Variants in GPN2 observed in about 807,000 individuals in gnomAD.
The protein encoded by GPN2 is GPN-loop GTPase 2, also known as ATP-binding domain 1 family member B.
GPN2 carries 27 observed loss-of-function variants against 30.1 expected under a neutral mutation model. The observed-to-expected ratio is 0.90, with a 90% CI of 0.66 to 1.24. The LOEUF (loss-of-function observed/expected upper bound fraction) is 1.24, where lower values mean the gene tolerates loss of function less well. Among genes scored for constraint, GPN2 ranks in the 50% most tolerant of loss-of-function variants. The pLI is 0.00. For synonymous variants in GPN2, 212 were observed against 174.4 expected (o/e 1.22, Z -1.70); for missense variants, 406 against 405.4 (o/e 1.00, Z -0.01).
intron 3 of GPN2, 46 bp downstream of exon 3, chr1:26,885,927 G>T: frequency 1.4e-6 from 2 of 1,452,934 alleles, no homozygotes; most frequent in Non-Finnish European, 1.9e-6. Context: ...CTTTTGGCTT[G>T]GTGAATCCCA....
Position 26,886,013 on chromosome 1 carries a change from T to C in GPN2, c.689A>G (p.Glu230Gly), listed in dbSNP as rs767065790. ...QLNEKLVQLI[E>G]DYSLVSFIPL... is the part of the protein sequence containing the mutation. ...GATAAAGGAGACAAGGCTATAGTCT[T>C]CGATGAGCTGCACTAGCTTCTCATT... The change falls in exon 3 of 5, where the codon GAA becomes GGA. Residue 230 changes from glutamate to glycine, a missense_variant. Glu to Gly is a moderately conservative substitution (Grantham distance 98, BLOSUM62 -2). Coordinates refer to ENST00000374135, the MANE Select transcript of GPN2 (RefSeq NM_018066.4). 6.2e-7 allele frequency: 1 copy of C among 1,613,576 alleles called. No homozygotes were observed. Among genetic ancestry groups the C allele is most frequent in the Non-Finnish European group, 8.5e-7 (1 of 1,179,722 alleles).
At chr1:26,879,815 T>C in intron 4 of GPN2, 66 bp from the exon 5 acceptor site, 3 of 1,000,184 alleles carry the variant, frequency 3.0e-6, no homozygotes, top group Non-Finnish European at 4.7e-6. Flanking sequence ...GGGCAGGATC[T>C]GACTTCCGCT....
intron 4 of GPN2, among the ~76,000 whole-genome samples, chr1:26,883,452 TGA>T (rs2081874476): frequency 6.6e-6 from 1 of 152,074 alleles, no homozygotes; most frequent in African/African-American, 2.4e-5. Context: ...CCTTTGCACA[TGA>T]GAGACAGTCA....
At chr1:26,886,856 G>A (rs907730903) in intron 2 of GPN2, among the ~76,000 whole-genome samples, 5 of 151,866 alleles carry the variant, frequency 3.3e-5, no homozygotes, top group African/African-American at 4.8e-5. Context: ...AGCCGGACGT[G>A]GTGGCACATG....
At chr1:26,886,387 G>A (rs567761824) in intron 2 of GPN2, 20 of 538,694 alleles carry the variant, frequency 3.7e-5, no homozygotes, top group Admixed American at 2.9e-4. Context: ...CTGGTACAGA[G>A]AAGTGCTTGA....
At chr1:26,885,578 CTTT>C (rs35274818) in intron 3 of GPN2, among the ~76,000 whole-genome samples, 4 of 131,880 alleles carry the variant, frequency 3.0e-5, no homozygotes, top group Admixed American at 7.6e-5. Flanking sequence ...AAAGACCACT[CTTT>C]TTTTTTTTTT....
Position 26,889,993 on chromosome 1 carries a change from G to C in GPN2, c.104C>G (p.Ala35Gly), listed in dbSNP as rs762518810. Residue 35 changes from alanine to glycine, a missense_variant, in exon 1 of 5, where the codon GCG becomes GGG. Transcript: ENST00000374135. ...CACCACCGCCACGCGCCGGCCCAGC[G>C]CGCGCAGGAACTCACTCATGCCCAG... ...YCLGMSEFLR[A>G]LGRRVAVVNL... 6.2e-7 allele frequency: 1 copy of C among 1,601,544 alleles called. No homozygotes were observed. Among genetic ancestry groups the C allele is most frequent in the South Asian group, 1.1e-5 (1 of 90,940 alleles).
chr1:26,878,061 T>TA lies in GPN2; in HGVS notation c.*1615dup, dbSNP rs1158443731. ...AAAAGAAAGTCCAAATACATGCAAA[T>TA]AAAACTTGGCATAACAGTCTTGCCC... is the stretch of plus-strand genomic sequence containing the variant. On this transcript the variant is annotated 3_prime_UTR_variant, in exon 5 of 5. Coordinates refer to ENST00000374135, the MANE Select transcript of GPN2 (RefSeq NM_018066.4). The TA allele has an allele frequency of 6.6e-6, 1 of 151,972 alleles. No individual in the cohort carries two copies. The highest frequency in any genetic ancestry group is 1.5e-5 in the Non-Finnish European group (1 of 67,982). The allele number at this position is 151,972 out of a possible 1,614,324, so 9.4% of individuals were successfully genotyped here.
intron 3 of GPN2, among the ~76,000 whole-genome samples, chr1:26,885,204 G>A (rs891037979): frequency 2.0e-5 from 3 of 152,090 alleles, no homozygotes; most frequent in Non-Finnish European, 4.4e-5. Flanking sequence ...TTAGAAGGGA[G>A]GAGACAAGTT....
In GPN2 at chr1:26,889,980, G is replaced by A. The variant is rs2081912679; in HGVS notation, c.117C>T (p.Arg39=). 1.2e-6 allele frequency: 2 copies of A among 1,603,420 alleles called. No homozygotes were observed. Among genetic ancestry groups the A allele is most frequent in the Middle Eastern group, 3.3e-4 (2 of 6,060 alleles). Reference sequence around the variant, plus strand: ...CCGGGTCCAGGTTCACCACCGCCACGCGCCGGCCCAGCGCGCGCAGGAACT... The same window carrying A: ...CCGGGTCCAGGTTCACCACCGCCACACGCCGGCCCAGCGCGCGCAGGAACT... ...MSEFLRALGR[R]VAVVNLDPAN... is the part of the protein sequence containing the mutation. The change falls in exon 1 of 5, where the codon CGC becomes CGT. Residue 39 remains arginine, a synonymous_variant. Transcript: ENST00000374135.
chr1:26,889,514 CTTA>C (rs1263265739), intron 1 of GPN2, among the ~76,000 whole-genome samples, 169 bp downstream of exon 1: 2 of 152,344 alleles, frequency 1.3e-5, no homozygotes, highest in East Asian at 3.9e-4. Flanking sequence ...GATGAACTGA[CTTA>C]TCAACACCAC....
At chr1:26,881,137 A>G (rs2081862322) in intron 4 of GPN2, among the ~76,000 whole-genome samples, 1 of 152,354 alleles carries the variant, frequency 6.6e-6, no homozygotes, top group Admixed American at 6.5e-5. Context: ...TCCTTTATAT[A>G]TACGAATACA....
At position 26,890,199 on chromosome 1, in the gene GPN2, T is replaced by C. The variant is rs753429303; in HGVS notation, c.-103A>G. 10 of 1,046,674 alleles carry C rather than the reference T, an allele frequency of 9.6e-6. No homozygotes were observed. Among genetic ancestry groups the C allele is most frequent in the Admixed American group, 3.0e-5 (1 of 33,874 alleles). The allele number at this position is 1,046,674 out of a possible 1,614,324, so 64.8% of individuals were successfully genotyped here. On this transcript the variant is annotated 5_prime_UTR_variant, in exon 1 of 5. Coordinates refer to ENST00000374135, the MANE Select transcript of GPN2 (RefSeq NM_018066.4). ...CGAGGGTCCCAGTACGTATACCTCG[T>C]TGGCGGCCAGCGTCACTCGCCTCAG...
intron 4 of GPN2, among the ~76,000 whole-genome samples, chr1:26,882,843 G>C (rs2081871310): frequency 6.6e-6 from 1 of 152,294 alleles, no homozygotes; most frequent in South Asian, 2.1e-4. Flanking sequence ...GCCAGCTCTT[G>C]TCCCTTTCAT....
At chr1:26,879,835 A>G (rs1176475507) in intron 4 of GPN2, 86 bp from the exon 5 acceptor site, 30 of 835,868 alleles carry the variant, frequency 3.6e-5, no homozygotes, top group Non-Finnish European at 5.7e-5. Flanking sequence ...TGATGCCTAC[A>G]CTCCAACCAT....
intron 3 of GPN2, 42 bp from the exon 4 acceptor site, chr1:26,884,332 AG>A: frequency 6.3e-7 from 1 of 1,580,934 alleles, no homozygotes; most frequent in Non-Finnish European, 8.6e-7. Flanking sequence ...GTGAAACAGA[AG>A]TATGTAAAAC....
At position 26,884,276 on chromosome 1, in the gene GPN2, G is replaced by T. The variant is rs2081880022; in HGVS notation, c.744C>A (p.Ile248=). ...IPLNIQDKES[I]QRVLQAVDKA... ...TATCCACAGCCTGCAGGACTCGCTGGATGCTCTCCTTGTCCTGAGCAGGGA... is the reference window on the plus strand; with the variant it reads ...TATCCACAGCCTGCAGGACTCGCTGTATGCTCTCCTTGTCCTGAGCAGGGA... The change falls in exon 4 of 5, where the codon ATC becomes ATA. Residue 248 remains isoleucine (I), a synonymous_variant. Coordinates refer to ENST00000374135, the MANE Select transcript of GPN2 (RefSeq NM_018066.4). The T allele has an allele frequency of 6.2e-7, 1 of 1,612,634 alleles. No individual in the cohort carries two copies. The highest frequency in any genetic ancestry group is 1.7e-5 in the Admixed American group (1 of 59,610).
chr1:26,888,782 G>A (rs1310279414), intron 2 of GPN2, 187 bp downstream of exon 2: 1 of 651,516 alleles, frequency 1.5e-6, no homozygotes. Context: ...TAGCTCTCTT[G>A]TCTCCAAAAT....
chr1:26,888,771 G>C (rs1317981784), intron 2 of GPN2, 198 bp downstream of exon 2: 1 of 641,198 alleles, frequency 1.6e-6, no homozygotes, highest in Non-Finnish European at 2.8e-6. Flanking sequence ...AACACCATCT[G>C]TAGCTCTCTT....
Sources: gnomAD v4.1 joint callset for allele counts (sites outside exome capture counted in the v4.1 genomes callset) on GRCh38, gnomAD v4.1.1 for gene constraint, MANE v1.5 for transcripts, NCBI Gene and HGNC (gene_info 2026-07-23, HGNC 2026-07-21) for gene names.